Variants in FAM174A observed in about 807,000 individuals in gnomAD.
FAM174A encodes membrane protein FAM174A.
A neutral mutation model predicts 14.3 loss-of-function variants in FAM174A; 14 were observed. That is an observed-to-expected ratio of 0.98 (90% CI 0.65 to 1.53). The LOEUF (loss-of-function observed/expected upper bound fraction) is 1.53. Among genes scored for constraint, FAM174A ranks in the 40% most tolerant of loss-of-function variants. The pLI is 0.00. For synonymous variants in FAM174A, 108 were observed against 111.4 expected (o/e 0.97, Z 0.19); for missense variants, 241 against 249.6 (o/e 0.97, Z 0.23).
chr5:100,537,791 A>C (rs537640972), intron 1 of FAM174A, among the ~76,000 whole-genome samples: 10 of 152,328 alleles, frequency 6.6e-5, no homozygotes, highest in African/African-American at 2.4e-4. Flanking sequence ...AGTTCCTATA[A>C]AAATGCATGG....
intron 1 of FAM174A, 27 bp downstream of exon 1, chr5:100,535,991 C>A (rs1260468162): frequency 1.4e-5 from 21 of 1,532,592 alleles, no homozygotes; most frequent in Non-Finnish European, 1.8e-5. Context: ...GTGGGGCACC[C>A]CCGTGGGCCT....
In FAM174A at chr5:100,535,812, C is replaced by G; in HGVS notation, c.282C>G (p.Asp94Glu). Residue 94 changes from aspartate to glutamate, a missense_variant, in exon 1 of 3, where the codon GAC becomes GAG. Transcript: ENST00000312637. ...GSNPVAGLET[D>E]DHGGKAGEGS... ...ACCCTGTGGCCGGGCTTGAGACGGA[C>G]GATCACGGAGGGAAGGCCGGGGAAG... The G allele has an allele frequency of 6.2e-7, 1 of 1,610,034 alleles. No homozygotes were observed. The highest frequency in any genetic ancestry group is 1.1e-5 in the South Asian group (1 of 90,986).
chr5:100,572,701 A>G (rs1355638713), intron 2 of FAM174A, among the ~76,000 whole-genome samples: 4 of 152,082 alleles, frequency 2.6e-5, no homozygotes, highest in African/African-American at 9.7e-5. Context: ...GAATAATGCC[A>G]CAATAAACAT....
intron 2 of FAM174A, 139 bp from the exon 3 acceptor site, chr5:100,586,039 TTGG>T (rs1213525576): frequency 1.3e-5 from 5 of 389,310 alleles, no homozygotes; most frequent in African/African-American, 6.3e-5. Context: ...GCATGTGTTA[TTGG>T]TGTTCTTTTT....
chr5:100,573,909 A>G (rs982060854), intron 2 of FAM174A, among the ~76,000 whole-genome samples: 1 of 152,084 alleles, frequency 6.6e-6, no homozygotes, highest in Non-Finnish European at 1.5e-5. Flanking sequence ...CAGAGCCCTC[A>G]GAAATAACAC....
At chr5:100,573,626 A>G (rs565085471) in intron 2 of FAM174A, among the ~76,000 whole-genome samples, 46 of 151,308 alleles carry the variant, frequency 3.0e-4, no homozygotes, top group African/African-American at 1.1e-3. Flanking sequence ...GGAAGAATCA[A>G]TATCGTGAAA....
chr5:100,575,656 A>G (rs921999753), intron 2 of FAM174A, among the ~76,000 whole-genome samples: 2 of 152,212 alleles, frequency 1.3e-5, no homozygotes, highest in South Asian at 2.1e-4. Flanking sequence ...ACCAAAAGCA[A>G]TGGCAACAAA....
intron 2 of FAM174A, among the ~76,000 whole-genome samples, chr5:100,572,254 T>C (rs1746799444): frequency 1.3e-5 from 2 of 151,400 alleles, no homozygotes; most frequent in African/African-American, 2.4e-5. Flanking sequence ...TTACGTCTTT[T>C]TTTTTTTTAA....
At chr5:100,539,007 G>A (rs1200104804) in intron 1 of FAM174A, among the ~76,000 whole-genome samples, 2 of 151,966 alleles carry the variant, frequency 1.3e-5, no homozygotes, top group Non-Finnish European at 2.9e-5. Flanking sequence ...ATGCCATGTC[G>A]TTGGTTTTTC....
At chr5:100,542,789 T>C (rs1746084814) in intron 1 of FAM174A, among the ~76,000 whole-genome samples, 1 of 151,644 alleles carries the variant, frequency 6.6e-6, no homozygotes, top group Non-Finnish European at 1.5e-5. Flanking sequence ...AGTCCAGGAG[T>C]TTGAGACCAG....
chr5:100,541,013 GA>G (rs1233237230), intron 1 of FAM174A, among the ~76,000 whole-genome samples: 1 of 152,160 alleles, frequency 6.6e-6, no homozygotes, highest in Non-Finnish European at 1.5e-5. Flanking sequence ...TTGCTTGTAT[GA>G]CACCCTGGCT....
At chr5:100,578,236 A>T (rs542644087) in intron 2 of FAM174A, among the ~76,000 whole-genome samples, 3 of 152,172 alleles carry the variant, frequency 2.0e-5, no homozygotes, top group Non-Finnish European at 4.4e-5. Context: ...AATAAGGAGC[A>T]ACAGGACATA....
intron 1 of FAM174A, among the ~76,000 whole-genome samples, chr5:100,558,068 G>A (rs1561317337): frequency 6.6e-6 from 1 of 151,956 alleles, no homozygotes; most frequent in African/African-American, 2.4e-5. Flanking sequence ...TTCTCTTGTG[G>A]GCATTTAGTG....
In FAM174A at chr5:100,581,444, T is replaced by A. The variant is rs533483604; in HGVS notation, c.570-4737T>A. On this transcript the variant is annotated intron_variant, in intron 2 of 2. Transcript: ENST00000312637. ...AGTTAAAGTTATTTTTTTAAAGATATAAGTTAATCAAATAAGAGCCTATGA... is the reference window on the plus strand; with the variant it reads ...AGTTAAAGTTATTTTTTTAAAGATAAAAGTTAATCAAATAAGAGCCTATGA... 556 of 943,902 alleles carry A rather than the reference T, an allele frequency of 5.9e-4. 1 individual carries two copies. The Middle Eastern group carries it at 0.011, about 18-fold the overall frequency. The allele number at this position is 943,902 out of a possible 1,614,324, so 58.5% of individuals were successfully genotyped here. A position where few individuals can be genotyped will look rare whatever the true frequency, so the allele number is the denominator to read the frequency against.
At chr5:100,581,321 C>T in intron 2 of FAM174A, 1 of 948,992 alleles carries the variant, frequency 1.1e-6, no homozygotes, top group African/African-American at 1.8e-5. Flanking sequence ...TTTTCTCATA[C>T]CATATTGATT....
intron 1 of FAM174A, among the ~76,000 whole-genome samples, chr5:100,559,948 C>T (rs1338923621): frequency 3.9e-5 from 6 of 152,048 alleles, no homozygotes; most frequent in Admixed American, 2.6e-4. Context: ...TCTCTCAACT[C>T]GTCAAAGTCA....
intron 1 of FAM174A, among the ~76,000 whole-genome samples, chr5:100,556,364 G>A (rs1359496486): frequency 1.3e-5 from 2 of 152,318 alleles, no homozygotes; most frequent in Non-Finnish European, 2.9e-5. Flanking sequence ...ATAGTTTGAA[G>A]TCAGGTAGCA....
intron 1 of FAM174A, among the ~76,000 whole-genome samples, chr5:100,552,206 T>A (rs187812376): frequency 3.3e-5 from 5 of 152,290 alleles, no homozygotes; most frequent in Admixed American, 1.3e-4. Context: ...ACTACAATTG[T>A]GGTTCACTAA....
chr5:100,556,785 C>T (rs1023167753), intron 1 of FAM174A, among the ~76,000 whole-genome samples: 1 of 152,066 alleles, frequency 6.6e-6, no homozygotes, highest in Non-Finnish European at 1.5e-5. Flanking sequence ...TTTTTGCACA[C>T]TGATTTTGTT....
Sources: gnomAD v4.1 joint callset for allele counts (sites outside exome capture counted in the v4.1 genomes callset) on GRCh38, gnomAD v4.1.1 for gene constraint, MANE v1.5 for transcripts, NCBI Gene and HGNC (gene_info 2026-07-23, HGNC 2026-07-21) for gene names.